The following TRAPPC10 variants were observed in gnomAD, a reference collection of about 807,000 sequenced individuals.
TRAPPC10 encodes the protein TRAPP 130 kDa subunit.
Under a neutral mutation model 125.5 loss-of-function variants are expected in TRAPPC10, and 23 were observed. The observed-to-expected ratio is 0.18, with a 90% CI of 0.13 to 0.26. The LOEUF is 0.26. Among genes scored for constraint, TRAPPC10 ranks in the 10% least tolerant of loss-of-function variants. The pLI, the probability that TRAPPC10 is intolerant of heterozygous loss-of-function variation, is 1.00. For synonymous variants in TRAPPC10, 509 were observed against 518.0 expected (o/e 0.98, Z 0.24); for missense variants, 1,123 against 1,308.4 (o/e 0.86, Z 2.19).
At chr21:44,061,147 T>A (rs1383241580) in intron 6 of TRAPPC10, among the ~76,000 whole-genome samples, 1 of 152,006 alleles carries the variant, frequency 6.6e-6, no homozygotes, top group African/African-American at 2.4e-5. Flanking sequence ...AATTTTATTT[T>A]ATTTTTTGAG....
intron 6 of TRAPPC10, among the ~76,000 whole-genome samples, chr21:44,060,792 G>C (rs1372810992): frequency 6.6e-6 from 1 of 151,020 alleles, no homozygotes; most frequent in African/African-American, 2.4e-5. Flanking sequence ...GTAGAAACGG[G>C]GTTTCACCAT....
chr21:44,072,726 C>T (rs570191918), intron 7 of TRAPPC10, among the ~76,000 whole-genome samples: 2 of 152,144 alleles, frequency 1.3e-5, no homozygotes, highest in African/African-American at 2.4e-5. Context: ...GGCCTCCCAA[C>T]GTGCTGAGAT....
intron 5 of TRAPPC10, among the ~76,000 whole-genome samples, chr21:44,056,796 C>T (rs1485628451): frequency 6.6e-6 from 1 of 152,072 alleles, no homozygotes; most frequent in Non-Finnish European, 1.5e-5. Flanking sequence ...GAAACAACTA[C>T]ATCAGTGGAA....
intron 14 of TRAPPC10, among the ~76,000 whole-genome samples, chr21:44,083,558 T>C (rs1199418899): frequency 1.3e-5 from 2 of 152,248 alleles, no homozygotes; most frequent in Admixed American, 6.5e-5. Flanking sequence ...TTTAACTCAT[T>C]GGATTATTGG....
At position 44,094,215 on chromosome 21, in the gene TRAPPC10, T is replaced by G; in HGVS notation, c.3150T>G (p.Phe1050Leu). 1 of 1,609,168 alleles carries G rather than the reference T, an allele frequency of 6.2e-7. No homozygotes were observed. Among genetic ancestry groups the G allele is most frequent in the Non-Finnish European group, 8.5e-7 (1 of 1,178,730 alleles). ...CCTTAAAGCCGTATACTTATGAATT[T>G]AAAGTGGAAAATTTTTTTGTAAGTG... The part of the protein sequence containing the change: ...SISLKPYTYE[F>L]KVENFFTLYN... The change falls in exon 20 of 23, where the codon TTT (phenylalanine) becomes TTG (leucine). Residue 1050 changes from phenylalanine (F) to leucine (L), a missense_variant. Physicochemically the swap from Phe to Leu is conservative, Grantham distance 22. Transcript: ENST00000291574.
chr21:44,040,592 C>T (rs771402850), intron 3 of TRAPPC10, among the ~76,000 whole-genome samples: 3 of 152,026 alleles, frequency 2.0e-5, no homozygotes, highest in Non-Finnish European at 4.4e-5. Flanking sequence ...CCTGCCTCCA[C>T]CTCCCAAAGT....
rs546851621 is a variant in TRAPPC10, at chr21:44,082,518, T to C, written c.1724-270T>C. Among the ~76,000 whole-genome samples, 7 of 152,374 alleles carry C rather than the reference T, an allele frequency of 4.6e-5. No individual in the cohort carries two copies. The South Asian group carries it at 1.4e-3, about 32-fold the overall frequency. ...TTGAGAGGTAGTTGACCTGTATTTC[T>C]CTTAGGTTTGTCAAAGCAGACTTGA... On this transcript the variant is annotated intron_variant, in intron 13 of 22. Coordinates refer to ENST00000291574, the MANE Select transcript of TRAPPC10 (RefSeq NM_003274.5). The surrounding 1 kb of genome is among the most constrained non-coding windows in gnomAD (Gnocchi z 4.4).
At chr21:44,070,736 C>G (rs563579538) in intron 7 of TRAPPC10, among the ~76,000 whole-genome samples, 1 of 152,212 alleles carries the variant, frequency 6.6e-6, no homozygotes, top group Admixed American at 6.5e-5. Flanking sequence ...TCTCAAGCTG[C>G]ACTCTAATGG....
intron 17 of TRAPPC10, chr21:44,088,272 T>C (rs952540428): frequency 1.4e-5 from 4 of 284,028 alleles, no homozygotes; most frequent in African/African-American, 8.6e-5. Flanking sequence ...GTGTCGTGTG[T>C]GCCTCGGTGT....
At chr21:44,056,601 A>T (rs2035610455) in intron 5 of TRAPPC10, among the ~76,000 whole-genome samples, 1 of 152,212 alleles carries the variant, frequency 6.6e-6, no homozygotes, top group Non-Finnish European at 1.5e-5. Flanking sequence ...TCTGTAAAAA[A>T]TGATCATCTC....
chr21:44,057,910 A>G (rs934026456), intron 5 of TRAPPC10, among the ~76,000 whole-genome samples: 6 of 152,202 alleles, frequency 3.9e-5, no homozygotes, highest in Non-Finnish European at 5.9e-5. Context: ...GGGGAGGTTT[A>G]TGTGCGTGCA....
chr21:44,050,841 T>C (rs985612932), intron 3 of TRAPPC10, among the ~76,000 whole-genome samples: 1 of 152,262 alleles, frequency 6.6e-6, no homozygotes, highest in African/African-American at 2.4e-5. Context: ...TGAGAAGTAC[T>C]GCCTTTTGGA....
In TRAPPC10 at chr21:44,047,568, G is replaced by A. The variant is rs570175660; in HGVS notation, c.286-4712G>A. On this transcript the variant is annotated intron_variant, in intron 3 of 22. Transcript: ENST00000291574. ...TGTGTGTGTGTGTGTGTGTGTGTGC[G>A]CGCACACGCTACATGAAGTTCCATA... 2.7e-4 allele frequency among the ~76,000 whole-genome samples: 41 copies of A among 151,362 alleles called. 1 individual carries two copies. The highest frequency in any genetic ancestry group is 2.0e-3 in the East Asian group (10 of 5,110).
At chr21:44,022,600 C>A (rs138950189) in intron 1 of TRAPPC10, among the ~76,000 whole-genome samples, 87 of 152,044 alleles carry the variant, frequency 5.7e-4, no homozygotes, top group African/African-American at 2.0e-3. Flanking sequence ...ATGTGTGAGC[C>A]ACCATGCCTG....
chr21:44,083,013 C>T lies in TRAPPC10; in HGVS notation c.1949C>T (p.Thr650Met), dbSNP rs558021012. The T allele has an allele frequency of 2.5e-5, 40 of 1,613,974 alleles. No homozygotes were observed. The highest frequency in any genetic ancestry group is 1.1e-4 in the East Asian group (5 of 44,896). Residue 650 changes from threonine (T) to methionine (M), a missense_variant, in exon 14 of 23, where the codon ACG becomes ATG. Thr to Met is a moderately conservative substitution (Grantham distance 81). Transcript: ENST00000291574. Reference protein sequence around the residue: ...KTAEWLTKHKTSNGIINFPPE... With the variant: ...KTAEWLTKHKMSNGIINFPPE... ...GCGGAGTGGCTTACCAAGCACAAGA[C>T]GTCCAATGGGATCATTAACTTTCCA...
At chr21:44,074,963 T>C (rs2146027983) in intron 8 of TRAPPC10, 76 bp from the exon 9 acceptor site, 2 of 1,121,444 alleles carry the variant, frequency 1.8e-6, no homozygotes, top group East Asian at 5.0e-5. Flanking sequence ...TGGATTTGAA[T>C]TTTTATATTT....
intron 13 of TRAPPC10, among the ~76,000 whole-genome samples, chr21:44,081,379 T>C (rs1345566027): frequency 6.6e-6 from 1 of 152,082 alleles, no homozygotes; most frequent in African/African-American, 2.4e-5. Context: ...GGCTGGTCTT[T>C]AACTCCTGAG....
At chr21:44,031,917 C>A (rs377047869) in intron 1 of TRAPPC10, among the ~76,000 whole-genome samples, 174 bp from the exon 2 acceptor site, 1 of 152,164 alleles carries the variant, frequency 6.6e-6, no homozygotes, top group African/African-American at 2.4e-5. Flanking sequence ...ACATCTGTCC[C>A]GTGCTGGGTT....
In TRAPPC10 at chr21:44,012,528, T is replaced by C; in HGVS notation, c.35T>C (p.Ile12Thr). 1 of 1,535,026 alleles carries C rather than the reference T, an allele frequency of 6.5e-7. No homozygotes were observed. The highest frequency in any genetic ancestry group is 8.8e-7 in the Non-Finnish European group (1 of 1,139,292). Residue 12 changes from isoleucine (I) to threonine (T), a missense_variant, in exon 1 of 23, where the codon ATC becomes ACC. Around this residue, in one of 4 missense-constraint regions of TRAPPC10, gnomAD observed 177 missense variants for 228.9 expected, o/e 0.77. Transcript: ENST00000291574. The stretch of plus-strand genomic sequence containing the variant: ...TCTGAGGAGCCGCTGCCGCCGGTGA[T>C]CTACACCATGGAGAACAAGCCCATC... ...DASEEPLPPV[I>T]YTMENKPIVT...
Sources: gnomAD v4.1 joint callset for allele counts (sites outside exome capture counted in the v4.1 genomes callset) on GRCh38, gnomAD v4.1.1 for gene constraint, gnomAD v4.1.1 regional missense constraint, Gnocchi (gnomAD v3.1) non-coding constraint, MANE v1.5 for transcripts, NCBI Gene and HGNC (gene_info 2026-07-23, HGNC 2026-07-21) for gene names.